Variants in OIT3 observed in about 807,000 individuals in gnomAD.
OIT3 encodes oncoprotein-induced transcript 3 protein.
OIT3 carries 41 observed loss-of-function variants against 52.2 expected under a neutral mutation model. The ratio of observed to expected loss-of-function variants is 0.79; its 90% confidence interval spans 0.61 to 1.02. OIT3 has a LOEUF of 1.02. Among genes scored for constraint, OIT3 ranks in the 50% least tolerant of loss-of-function variants. The pLI is 0.00. For missense variants in OIT3, 634 were observed against 715.5 expected (o/e 0.89, Z 1.30); for synonymous variants, 244 against 276.9 (o/e 0.88, Z 1.18).
At chr10:72,905,893 A>C (rs901401639) in intron 3 of OIT3, among the ~76,000 whole-genome samples, 6 of 152,174 alleles carry the variant, frequency 3.9e-5, no homozygotes, top group African/African-American at 1.4e-4. Flanking sequence ...CTGTCATCGC[A>C]TGGGTGTTTA....
Position 72,924,552 on chromosome 10 carries a change from C to A in OIT3, c.1275C>A (p.His425Gln). The change falls in exon 7 of 9, where the codon CAC (histidine) becomes CAA (glutamine). Residue 425 changes from histidine (H) to glutamine (Q), a missense_variant. Physicochemically the swap from His to Gln is conservative, Grantham distance 24. Coordinates refer to ENST00000334011, the MANE Select transcript of OIT3 (RefSeq NM_152635.3). ...ACTTTGGCATTGAGCCCGTGGTGCACGTGAGCGGCTTGGAAAGCTTGGTGG... is the reference window on the plus strand; with the variant it reads ...ACTTTGGCATTGAGCCCGTGGTGCAAGTGAGCGGCTTGGAAAGCTTGGTGG... Reference protein sequence around the residue: ...SLYFGIEPVVHVSGLESLVES... With the variant: ...SLYFGIEPVVQVSGLESLVES... The A allele has an allele frequency of 6.2e-7, 1 of 1,614,146 alleles. No individual in the cohort carries two copies. Among genetic ancestry groups the A allele is most frequent in the Middle Eastern group, 1.6e-4 (1 of 6,062 alleles).
Position 72,898,791 on chromosome 10 carries a change from G to T in OIT3, c.189G>T (p.Thr63=). 6.2e-7 allele frequency: 1 copy of T among 1,614,116 alleles called. No homozygotes were observed. Among genetic ancestry groups the T allele is most frequent in the Middle Eastern group, 1.6e-4 (1 of 6,062 alleles). ...NHVNGEWYHF[T]GMAGDAMPTF... ...TGAATGGGGAGTGGTACCACTTCAC[G>T]GGCATGGCGGGAGATGCCATGCCTA... is the stretch of plus-strand genomic sequence containing the variant. The change falls in exon 2 of 9, where the codon ACG becomes ACT. Residue 63 remains threonine, a synonymous_variant. Coordinates refer to ENST00000334011, the MANE Select transcript of OIT3 (RefSeq NM_152635.3).
chr10:72,898,954 A>G lies in OIT3; in HGVS notation c.352A>G (p.Thr118Ala). 1.2e-6 allele frequency: 2 copies of G among 1,614,122 alleles called. No homozygotes were observed. The highest frequency in any genetic ancestry group is 1.7e-6 in the Non-Finnish European group (2 of 1,180,022). ...FNGNCCLWNT[T>A]VEVKACPGGY... ...TGGGAACTGCTGTCTCTGGAACACCACGGTGGAAGTCAAGGCTTGCCCTGG... is the reference window on the plus strand; with the variant it reads ...TGGGAACTGCTGTCTCTGGAACACCGCGGTGGAAGTCAAGGCTTGCCCTGG... The change falls in exon 2 of 9, where the codon ACG (threonine) becomes GCG (alanine). Residue 118 changes from threonine (T) to alanine (A), a missense_variant. Transcript: ENST00000334011.
chr10:72,918,234 T>A (rs542505518), intron 6 of OIT3: 24 of 832,362 alleles, frequency 2.9e-5, no homozygotes, highest in Non-Finnish European at 3.7e-5. Context: ...ACACTTCAAC[T>A]GTAAGATCAC....
rs550371836 is a variant in OIT3, at chr10:72,923,193, T to A, written c.952-1036T>A. ...TGCCTGGCCTTTCCCCCCGGCATTT[T>A]AACAGTCTGGCCACTTTTCTGTAGG... On this transcript the variant is annotated intron_variant, in intron 6 of 8. Coordinates refer to ENST00000334011, the MANE Select transcript of OIT3 (RefSeq NM_152635.3). 2.0e-4 allele frequency among the ~76,000 whole-genome samples: 30 copies of A among 152,312 alleles called. No individual in the cohort carries two copies. In the Middle Eastern group the frequency reaches 0.017, roughly 86 times the overall value.
In OIT3 at chr10:72,913,473, G is replaced by A. The variant is rs1352892819; in HGVS notation, c.951+5G>A. The A allele has an allele frequency of 1.9e-6, 3 of 1,600,068 alleles. No homozygotes were observed. The highest frequency in any genetic ancestry group is 1.7e-5 in the Admixed American group (1 of 59,616). On this transcript the variant is annotated splice_donor_5th_base_variant and intron_variant, in intron 6 of 8. Coordinates refer to ENST00000334011, the MANE Select transcript of OIT3 (RefSeq NM_152635.3). ...ACATGTGGTACAGTGGTCGATGTAG[G>A]TTCCTCCTGGAGGGCACTTGGGGAA...
chr10:72,905,385 C>T (rs1184301339), intron 3 of OIT3, among the ~76,000 whole-genome samples: 2 of 152,002 alleles, frequency 1.3e-5, no homozygotes, highest in African/African-American at 2.4e-5. Context: ...GCAGGAGTAT[C>T]GCTTGAACCT....
At chr10:72,904,823 T>C (rs941698067) in intron 3 of OIT3, among the ~76,000 whole-genome samples, 50 of 152,284 alleles carry the variant, frequency 3.3e-4, no homozygotes, top group Non-Finnish European at 8.8e-5. Flanking sequence ...ATCTGGTATC[T>C]TTGTTTAGTG....
At chr10:72,918,426 T>C (rs1014618829) in intron 6 of OIT3, 1 of 805,874 alleles carries the variant, frequency 1.2e-6, no homozygotes, top group Non-Finnish European at 2.2e-6. Context: ...GTGCTCATCT[T>C]CATCATTATC....
chr10:72,902,516 A>T (rs1303448229), intron 3 of OIT3, among the ~76,000 whole-genome samples: 1 of 152,130 alleles, frequency 6.6e-6, no homozygotes, highest in Admixed American at 6.6e-5. Context: ...TAAAAATGTA[A>T]ATATATATAT....
At chr10:72,904,708 T>C (rs1845963581) in intron 3 of OIT3, among the ~76,000 whole-genome samples, 1 of 152,232 alleles carries the variant, frequency 6.6e-6, no homozygotes, top group African/African-American at 2.4e-5. Flanking sequence ...TCAAAGCCTC[T>C]AATTATCACG....
Position 72,898,863 on chromosome 10 carries a change from G to T in OIT3, c.261G>T (p.Trp87Cys). ...ENHCGTHAPV[W>C]LNGSHPLEGD... Reference sequence around the variant, plus strand: ...ACTGTGGAACCCACGCACCTGTCTGGCTCAATGGCAGCCACCCCCTAGAAG... The same window carrying T: ...ACTGTGGAACCCACGCACCTGTCTGTCTCAATGGCAGCCACCCCCTAGAAG... Residue 87 changes from tryptophan to cysteine, a missense_variant, in exon 2 of 9, where the codon TGG becomes TGT. Physicochemically the swap from Trp to Cys is radical, Grantham distance 215 (BLOSUM62 -2). Coordinates refer to ENST00000334011, the MANE Select transcript of OIT3 (RefSeq NM_152635.3). 3.1e-6 allele frequency: 5 copies of T among 1,614,182 alleles called. No individual in the cohort carries two copies. Among genetic ancestry groups the T allele is most frequent in the Admixed American group, 1.7e-5 (1 of 60,016 alleles).
chr10:72,912,278 T>TTC (rs1846036347), intron 5 of OIT3, among the ~76,000 whole-genome samples: 1 of 148,726 alleles, frequency 6.7e-6, no homozygotes, highest in African/African-American at 2.5e-5. Flanking sequence ...TTTTCTTTTT[T>TTC]TTTTTTTTTT....
chr10:72,907,144 A>C (rs1845987805), intron 4 of OIT3, among the ~76,000 whole-genome samples: 1 of 152,090 alleles, frequency 6.6e-6, no homozygotes, highest in Non-Finnish European at 1.5e-5. Context: ...ATGGTAGTGC[A>C]TGCTTGTAGT....
rs1589527600 is a variant in OIT3, at chr10:72,918,105, G to T, written c.951+4637G>T. ...TGGAACCTTGCTACCACCTCCAGGG[G>T]CAGACTGCTTTCCAGTTATACTTAA... On this transcript the variant is annotated intron_variant, in intron 6 of 8. Transcript: ENST00000334011. 6.6e-6 allele frequency: 9 copies of T among 1,355,828 alleles called. No individual in the cohort carries two copies. In the East Asian group the frequency reaches 2.1e-4, roughly 31 times the overall value. The allele number at this position is 1,355,828 out of a possible 1,614,324, so 84.0% of individuals were successfully genotyped here.
intron 3 of OIT3, among the ~76,000 whole-genome samples, chr10:72,901,054 C>A (rs962389131): frequency 1.3e-5 from 2 of 151,880 alleles, no homozygotes; most frequent in Non-Finnish European, 2.9e-5. Flanking sequence ...GGTGAAAGAA[C>A]GAGACTCTGT....
In OIT3 at chr10:72,893,960, T is replaced by C. The variant is rs918053695; in HGVS notation, c.61+101T>C. ...AACTAGATTCCAGTACCTTAAATGC[T>C]AGCTCTAGAATCTTGTAAGAAAAGT... On this transcript the variant is annotated intron_variant, in intron 1 of 8. Transcript: ENST00000334011. The C allele has an allele frequency of 1.8e-5, 13 of 704,776 alleles. No homozygotes were observed. In the Admixed American group the frequency reaches 3.9e-4, roughly 21 times the overall value. The allele number at this position is 704,776 out of a possible 1,614,324, so 43.7% of individuals were successfully genotyped here. A position where few individuals can be genotyped will look rare whatever the true frequency, so the allele number is the denominator to read the frequency against.
At chr10:72,921,732 G>T (rs1414200411) in intron 6 of OIT3, among the ~76,000 whole-genome samples, 1 of 150,248 alleles carries the variant, frequency 6.7e-6, no homozygotes, top group Non-Finnish European at 1.5e-5. Flanking sequence ...GAATGCAGTG[G>T]CATGATCTCA....
intron 5 of OIT3, 120 bp downstream of exon 5, chr10:72,911,959 C>A: frequency 1.2e-6 from 1 of 808,160 alleles, no homozygotes; most frequent in Non-Finnish European, 1.9e-6. Context: ...AATGGCTCTT[C>A]GAGCAGTGTG....
Sources: gnomAD v4.1 joint callset for allele counts (sites outside exome capture counted in the v4.1 genomes callset) on GRCh38, gnomAD v4.1.1 for gene constraint, MANE v1.5 for transcripts, NCBI Gene and HGNC (gene_info 2026-07-23, HGNC 2026-07-21) for gene names.